The following LARGE1 variants were observed in gnomAD, a reference collection of about 807,000 sequenced individuals.
LARGE1 encodes the protein LARGE xylosyl- and glucuronyltransferase 1.
Under a neutral mutation model 87.6 loss-of-function variants are expected in LARGE1, and 43 were observed. That is an observed-to-expected ratio of 0.49 (90% CI 0.38 to 0.63). The LOEUF (loss-of-function observed/expected upper bound fraction) is 0.63, where lower values mean the gene tolerates loss of function less well. Ranked by LOEUF, LARGE1 falls within the 30% of genes least tolerant of loss-of-function variation. LARGE1 has a pLI of 0.00. For missense variants in LARGE1, 802 were observed against 1,000.2 expected, an observed-to-expected ratio of 0.80 and a Z score of 2.67; for synonymous variants, 434 against 394.6, an observed-to-expected ratio of 1.10 and a Z score of -1.18.
intron 2 of LARGE1, among the ~76,000 whole-genome samples, chr22:33,742,309 T>A (rs751402684): frequency 1.2e-4 from 18 of 152,218 alleles, no homozygotes; most frequent in Non-Finnish European, 1.0e-4. Flanking sequence ...GAACAGCACC[T>A]AGCATATAGC....
At chr22:33,905,187 C>A (rs1054002820) in intron 1 of LARGE1, among the ~76,000 whole-genome samples, 31 of 151,626 alleles carry the variant, frequency 2.0e-4, no homozygotes, top group African/African-American at 7.3e-4. Context: ...TCCCAGTCTC[C>A]TGAGTAGATG....
intron 2 of LARGE1, among the ~76,000 whole-genome samples, chr22:33,760,839 G>A (rs2084701505): frequency 6.6e-6 from 1 of 152,128 alleles, no homozygotes; most frequent in Non-Finnish European, 1.5e-5. Context: ...AGAATCACTT[G>A]AACTCGGGAG....
chr22:33,067,966 C>A, the LARGE1 span, among the ~76,000 whole-genome samples: 2 of 150,954 alleles, frequency 1.3e-5, no homozygotes, highest in Non-Finnish European at 1.5e-5. Flanking sequence ...GGCGACAATG[C>A]GAGACTGTCT....
intron 6 of LARGE1, among the ~76,000 whole-genome samples, chr22:33,449,430 G>C (rs2067822279): frequency 6.6e-6 from 1 of 152,178 alleles, no homozygotes; most frequent in Non-Finnish European, 1.5e-5. Context: ...TAATATAAAG[G>C]GGAGGCAATG....
chr22:33,602,067 A>T (rs956637699), intron 5 of LARGE1, among the ~76,000 whole-genome samples: 13 of 152,106 alleles, frequency 8.5e-5, no homozygotes, highest in Non-Finnish European at 1.6e-4. Flanking sequence ...GTGCATTTTA[A>T]GTCATTCTGG....
intron 3 of LARGE1, among the ~76,000 whole-genome samples, chr22:33,628,275 GC>G (rs1219419055): frequency 6.6e-6 from 1 of 151,510 alleles, no homozygotes; most frequent in African/African-American, 2.4e-5. Flanking sequence ...GGAAACCCAG[GC>G]TTAGAGAATT....
At chr22:33,380,396 T>G (rs1002028900) in intron 9 of LARGE1, among the ~76,000 whole-genome samples, 2 of 152,246 alleles carry the variant, frequency 1.3e-5, no homozygotes, top group African/African-American at 4.8e-5. Context: ...TAAAAAAAAG[T>G]TCTTTCTTTC....
intron 7 of LARGE1, among the ~76,000 whole-genome samples, chr22:33,400,213 A>C (rs1177547553): frequency 3.3e-5 from 5 of 152,176 alleles, no homozygotes; most frequent in African/African-American, 1.2e-4. Flanking sequence ...AGTTATTAAA[A>C]ACTCTCCAGC....
intron 2 of LARGE1, among the ~76,000 whole-genome samples, chr22:33,736,232 G>A (rs953791182): frequency 6.6e-6 from 1 of 152,196 alleles, no homozygotes; most frequent in Non-Finnish European, 1.5e-5. Flanking sequence ...TTTCCAAAGT[G>A]GCTGTTCCAT....
chr22:33,131,747 G>C, the LARGE1 span, among the ~76,000 whole-genome samples: 1 of 151,910 alleles, frequency 6.6e-6, no homozygotes, highest in South Asian at 2.1e-4. Context: ...GGGAATTATG[G>C]GAGCTACAAT....
chr22:33,899,358 G>C (rs368954999), intron 1 of LARGE1, among the ~76,000 whole-genome samples: 3 of 152,142 alleles, frequency 2.0e-5, no homozygotes, highest in Non-Finnish European at 4.4e-5. Flanking sequence ...CCTGTTGAGC[G>C]GCCTCTTGGG....
rs71320980 is a variant in LARGE1, at chr22:33,475,424, ATATTTATTTATTTATT to A, written c.788-43175_788-43160del. On this transcript the variant is annotated intron_variant, in intron 6 of 14. Transcript: ENST00000397394. ...ACTTGATAATCAGCATCAGTGAGTC[ATATTTATTTATTTATT>A]TATTTATTTATTTATTTATTTATTT... Among the ~76,000 whole-genome samples the A allele has an allele frequency of 2.5e-3, 336 of 135,296 alleles. 2 individuals carry two copies. The highest frequency in any genetic ancestry group is 7.4e-3 in the Middle Eastern group (2 of 272). 88.8% of individuals were successfully genotyped at this position (135,296 alleles called of 152,430 possible).
intron 10 of LARGE1, among the ~76,000 whole-genome samples, chr22:33,316,562 A>G (rs760725261): frequency 2.6e-5 from 4 of 151,856 alleles, no homozygotes; most frequent in Non-Finnish European, 5.9e-5. Flanking sequence ...GCAACCAGGC[A>G]AAACCCTGTC....
chr22:33,426,981 C>CCTCA (rs2066903215), intron 7 of LARGE1, among the ~76,000 whole-genome samples: 3 of 152,198 alleles, frequency 2.0e-5, no homozygotes, highest in African/African-American at 7.2e-5. Flanking sequence ...ACCTGCCTTC[C>CCTCA]CTCACCTCAT....
intron 11 of LARGE1, among the ~76,000 whole-genome samples, chr22:33,204,031 T>A (rs1033785394): frequency 3.9e-5 from 6 of 152,208 alleles, no homozygotes; most frequent in Non-Finnish European, 7.3e-5. Flanking sequence ...CATTAATATC[T>A]TTGGGAGAGC....
At chr22:33,584,195 C>T (rs1174324529) in intron 5 of LARGE1, among the ~76,000 whole-genome samples, 1 of 152,134 alleles carries the variant, frequency 6.6e-6, no homozygotes, top group African/African-American at 2.4e-5. Context: ...AGGAGTTTTG[C>T]TTGGGAAAAA....
chr22:33,813,822 C>T (rs1472997527), intron 1 of LARGE1, among the ~76,000 whole-genome samples: 3 of 152,126 alleles, frequency 2.0e-5, no homozygotes, highest in Non-Finnish European at 4.4e-5. Flanking sequence ...CCTTAAATAC[C>T]TTATAGGAAA....
intron 11 of LARGE1, among the ~76,000 whole-genome samples, chr22:33,210,929 T>C (rs953486013): frequency 1.3e-5 from 2 of 152,236 alleles, no homozygotes; most frequent in African/African-American, 2.4e-5. Context: ...GACCTCGTTT[T>C]CCCGCACTTT....
At position 33,604,422 on chromosome 22, in the gene LARGE1, C is replaced by G; in HGVS notation, c.615+13G>C. 1 of 1,614,004 alleles carries G rather than the reference C, an allele frequency of 6.2e-7. No homozygotes were observed. The highest frequency in any genetic ancestry group is 8.5e-7 in the Non-Finnish European group (1 of 1,179,954). The stretch of plus-strand genomic sequence containing the variant: ...AGAGGAGATCACGGAAGTGCCTCCC[C>G]TCCTGCCCATACCTTGAGCTCGTCT... On this transcript the variant is annotated intron_variant, in intron 5 of 14. Transcript: ENST00000397394.
Sources: gnomAD v4.1 joint callset for allele counts (sites outside exome capture counted in the v4.1 genomes callset) on GRCh38, gnomAD v4.1.1 for gene constraint, MANE v1.5 for transcripts, NCBI Gene and HGNC (gene_info 2026-07-23, HGNC 2026-07-21) for gene names.